CSMD1: variants seen among roughly 807,000 people sequenced by gnomAD.
The protein encoded by CSMD1 is CUB and Sushi multiple domains 1.
CSMD1 carries 213 observed loss-of-function variants against 417.5 expected under a neutral mutation model. The ratio of observed to expected loss-of-function variants is 0.51; its 90% CI spans 0.46 to 0.57. The LOEUF (loss-of-function observed/expected upper bound fraction) is 0.57, where lower values mean the gene tolerates loss of function less well. Among genes scored for constraint, CSMD1 ranks in the 20% least tolerant of loss-of-function variants. The pLI, the probability that CSMD1 is intolerant of heterozygous loss-of-function variation, is 0.00. For missense variants in CSMD1, 6,923 were observed against 4,529.7 expected, an observed-to-expected ratio of 1.53 and a Z score of -15.17; for synonymous variants, 2,862 against 1,736.8, an observed-to-expected ratio of 1.65 and a Z score of -16.11.
intron 5 of CSMD1, among the ~76,000 whole-genome samples, chr8:3,760,652 G>T (rs1229293564): frequency 6.6e-6 from 1 of 152,130 alleles, no homozygotes; most frequent in East Asian, 1.9e-4. Flanking sequence ...CAATTTATGG[G>T]GATAATTTTC....
At chr8:3,067,494 C>A (rs921193085) in intron 49 of CSMD1, among the ~76,000 whole-genome samples, 1 of 152,000 alleles carries the variant, frequency 6.6e-6, no homozygotes, top group Non-Finnish European at 1.5e-5. Context: ...CAGGTCCACA[C>A]AGACATTTAA....
chr8:3,917,144 A>C (rs1209357633), intron 5 of CSMD1, among the ~76,000 whole-genome samples: 2 of 152,196 alleles, frequency 1.3e-5, no homozygotes, highest in African/African-American at 2.4e-5. Context: ...ATGAGTGCTT[A>C]CCTGCTGCAC....
In CSMD1 at chr8:3,960,112, T is replaced by C. The variant is rs539097888; in HGVS notation, c.818+37791A>G. 1.1e-3 allele frequency among the ~76,000 whole-genome samples: 174 copies of C among 152,324 alleles called. 1 individual carries two copies. The highest frequency in any genetic ancestry group is 4.0e-3 in the African/African-American group (166 of 41,588). On this transcript the variant is annotated intron_variant, in intron 5 of 69. Transcript: ENST00000635120. The stretch of plus-strand genomic sequence containing the variant: ...TGCTGGAGCTAAGTGGAAACACAGG[T>C]TGTTCAAAATGATAATGATAGAAAC...
intron 7 of CSMD1, among the ~76,000 whole-genome samples, chr8:3,626,937 C>T (rs941953949): frequency 3.3e-5 from 5 of 150,702 alleles, no homozygotes; most frequent in Middle Eastern, 3.6e-3. Context: ...GTATATTATA[C>T]AGTTTTAAAT....
intron 5 of CSMD1, among the ~76,000 whole-genome samples, chr8:3,948,197 C>T (rs1417862564): frequency 1.3e-5 from 2 of 152,012 alleles, no homozygotes; most frequent in African/African-American, 4.8e-5. Context: ...GACCAAGACT[C>T]CGTCTAAATA....
chr8:3,546,712 G>A (rs149324595), intron 10 of CSMD1, among the ~76,000 whole-genome samples: 2 of 152,104 alleles, frequency 1.3e-5, no homozygotes, highest in Admixed American at 6.6e-5. Flanking sequence ...ATCAATGTAG[G>A]AATTACTGAA....
At chr8:4,044,688 T>C (rs777165536) in intron 3 of CSMD1, among the ~76,000 whole-genome samples, 5 of 53,620 alleles carry the variant, frequency 9.3e-5, no homozygotes, top group Non-Finnish European at 2.0e-4. Flanking sequence ...CCACCTACAA[T>C]CCTGGCTGCG....
chr8:3,809,016 A>T (rs529190024), intron 5 of CSMD1, among the ~76,000 whole-genome samples: 1 of 152,314 alleles, frequency 6.6e-6, no homozygotes, highest in Non-Finnish European at 1.5e-5. Context: ...TGATTCAAGG[A>T]TGCTGGAAGG....
At chr8:4,417,479 C>T (rs1050875537) in intron 3 of CSMD1, among the ~76,000 whole-genome samples, 1 of 151,966 alleles carries the variant, frequency 6.6e-6, no homozygotes, top group Non-Finnish European at 1.5e-5. Context: ...TTTTATGCAG[C>T]AGTCTGTTAA....
chr8:3,093,329 C>G (rs928706089), intron 47 of CSMD1, among the ~76,000 whole-genome samples: 4 of 152,114 alleles, frequency 2.6e-5, no homozygotes, highest in African/African-American at 7.2e-5. Context: ...GCCCTTCTGA[C>G]CCCTTCCGCT....
chr8:4,927,208 G>C (rs1442466975), intron 1 of CSMD1, among the ~76,000 whole-genome samples: 2 of 150,762 alleles, frequency 1.3e-5, no homozygotes, highest in African/African-American at 2.5e-5. Flanking sequence ...CCACGTTCAA[G>C]TGCTTTTTGG....
chr8:3,970,194 CT>C (rs147635524), intron 5 of CSMD1, among the ~76,000 whole-genome samples: 35,187 of 151,900 alleles, frequency 0.23, 4,367 homozygotes, highest in South Asian at 0.44. Flanking sequence ...GAACAAGGGA[CT>C]TTCTTTTACA....
chr8:3,317,075 G>C (rs1805821345), intron 23 of CSMD1, among the ~76,000 whole-genome samples: 1 of 152,132 alleles, frequency 6.6e-6, no homozygotes, highest in African/African-American at 2.4e-5. Flanking sequence ...CTCAGTAGAT[G>C]ATAGATGGGG....
At chr8:3,002,333 G>A (rs1485783366) in intron 52 of CSMD1, among the ~76,000 whole-genome samples, 1 of 152,208 alleles carries the variant, frequency 6.6e-6, no homozygotes, top group Non-Finnish European at 1.5e-5. Context: ...CGTGCATGGG[G>A]GAGATGGAGC....
chr8:3,764,691 C>T (rs1219562834), intron 5 of CSMD1, among the ~76,000 whole-genome samples: 1 of 151,634 alleles, frequency 6.6e-6, no homozygotes, highest in Non-Finnish European at 1.5e-5. Flanking sequence ...CAGTAATCAC[C>T]TGAAAATTCA....
At chr8:4,011,576 T>C (rs931795331) in intron 4 of CSMD1, among the ~76,000 whole-genome samples, 4 of 152,186 alleles carry the variant, frequency 2.6e-5, no homozygotes, top group Non-Finnish European at 5.9e-5. Context: ...AAGAGTCAGT[T>C]CCTAGGATTC....
At chr8:4,267,478 T>A (rs1804290567) in intron 3 of CSMD1, among the ~76,000 whole-genome samples, 1 of 151,492 alleles carries the variant, frequency 6.6e-6, no homozygotes, top group Admixed American at 6.6e-5. Flanking sequence ...TAAATGAATA[T>A]TAATATTAAA....
At chr8:4,601,984 T>A (rs2725087) in intron 2 of CSMD1, among the ~76,000 whole-genome samples, 15,287 of 152,144 alleles carry the variant, frequency 0.1, 1,999 homozygotes, top group African/African-American at 0.31. Context: ...AACTGTACTC[T>A]CTGAAAGCTT....
At chr8:4,362,377 C>G (rs960969479) in intron 3 of CSMD1, among the ~76,000 whole-genome samples, 6 of 151,108 alleles carry the variant, frequency 4.0e-5, no homozygotes, top group African/African-American at 9.8e-5. Flanking sequence ...TCATAGTGGT[C>G]CAGCAGAGCC....
Sources: gnomAD v4.1 joint callset for allele counts (sites outside exome capture counted in the v4.1 genomes callset) on GRCh38, gnomAD v4.1.1 for gene constraint, MANE v1.5 for transcripts, NCBI Gene and HGNC (gene_info 2026-07-23, HGNC 2026-07-21) for gene names.